The following MICU1 variants were observed in gnomAD, a reference collection of about 807,000 sequenced individuals.
MICU1 encodes the protein mitochondrial calcium uptake 1, also known as calcium uptake protein 1, mitochondrial.
Under a neutral mutation model 56.8 loss-of-function variants are expected in MICU1, and 45 were observed. The ratio of observed to expected loss-of-function variants is 0.79; its 90% CI spans 0.62 to 1.02. MICU1 has a LOEUF of 1.02. Ranked by LOEUF, MICU1 falls within the 50% of genes least tolerant of loss-of-function variation. The probability of loss-of-function intolerance (pLI) is 0.00; values close to 1 mark genes in which losing one functional copy is unlikely to be tolerated. For missense variants in MICU1, 504 were observed against 587.1 expected (o/e 0.86, Z 1.46); for synonymous variants, 186 against 195.1 (o/e 0.95, Z 0.39).
intron 8 of MICU1, among the ~76,000 whole-genome samples, chr10:72,452,419 T>C (rs1865327613): frequency 6.6e-6 from 1 of 152,206 alleles, no homozygotes; most frequent in African/African-American, 2.4e-5. Flanking sequence ...CTGAATACAC[T>C]AAAAATGATG....
intron 8 of MICU1, among the ~76,000 whole-genome samples, chr10:72,447,704 C>T (rs74148007): frequency 6.6e-6 from 1 of 152,056 alleles, no homozygotes; most frequent in African/African-American, 2.4e-5. Flanking sequence ...ATCAATTGTG[C>T]CTCAGTTAGG....
At chr10:72,473,765 A>C (rs1313344670) in intron 8 of MICU1, among the ~76,000 whole-genome samples, 1 of 152,208 alleles carries the variant, frequency 6.6e-6, no homozygotes, top group East Asian at 1.9e-4. Context: ...CATTGAACAA[A>C]ACAACACAAT....
At chr10:72,461,564 C>A (rs148617654) in intron 8 of MICU1, among the ~76,000 whole-genome samples, 112 of 152,316 alleles carry the variant, frequency 7.4e-4, no homozygotes, top group Middle Eastern at 3.4e-3. Flanking sequence ...CCTTTATAAG[C>A]TTCTTGAAAG....
intron 4 of MICU1, among the ~76,000 whole-genome samples, chr10:72,539,759 A>C (rs1442493161): frequency 6.6e-6 from 1 of 152,204 alleles, no homozygotes; most frequent in Non-Finnish European, 1.5e-5. Context: ...GAGTAGAAAA[A>C]GCACAAAGAG....
intron 11 of MICU1, among the ~76,000 whole-genome samples, chr10:72,371,840 G>A (rs1862354297): frequency 6.6e-6 from 1 of 152,032 alleles, no homozygotes; most frequent in African/African-American, 2.4e-5. Context: ...AGTATCATTT[G>A]AGCCCAGGAG....
intron 5 of MICU1, among the ~76,000 whole-genome samples, chr10:72,520,405 G>A (rs1449755874): frequency 6.6e-6 from 1 of 151,954 alleles, no homozygotes; most frequent in Non-Finnish European, 1.5e-5. Context: ...TAGAATTTGG[G>A]GATATATCAG....
intron 1 of MICU1, among the ~76,000 whole-genome samples, chr10:72,597,783 T>C (rs1841419563): frequency 6.6e-6 from 1 of 152,196 alleles, no homozygotes; most frequent in African/African-American, 2.4e-5. Flanking sequence ...AAAGATATAT[T>C]GCAGCTGAAG....
chr10:72,451,244 C>A (rs751916792), intron 8 of MICU1, among the ~76,000 whole-genome samples: 3 of 150,228 alleles, frequency 2.0e-5, no homozygotes, highest in Non-Finnish European at 3.0e-5. Context: ...AGGATGGTCT[C>A]GATCTCCTGA....
rs770774436 is a variant in MICU1, at chr10:72,508,142, C to A, written c.652+13G>T. Reference sequence around the variant, plus strand: ...CTGCTCTACAAATGGAAAAAGAAAACGTTTATACTTACTGGAAAGAACAGT... The same window carrying A: ...CTGCTCTACAAATGGAAAAAGAAAAAGTTTATACTTACTGGAAAGAACAGT... On this transcript the variant is annotated intron_variant, in intron 6 of 11. Coordinates refer to ENST00000361114, the MANE Select transcript of MICU1 (RefSeq NM_001195518.2). The A allele has an allele frequency of 7.1e-7, 1 of 1,400,242 alleles. No homozygotes were observed. The highest frequency in any genetic ancestry group is 9.7e-7 in the Non-Finnish European group (1 of 1,034,100). The allele number at this position is 1,400,242 out of a possible 1,614,324, so 86.7% of individuals were successfully genotyped here.
At chr10:72,414,399 A>C (rs1426731885) in intron 9 of MICU1, among the ~76,000 whole-genome samples, 2 of 152,224 alleles carry the variant, frequency 1.3e-5, no homozygotes, top group Non-Finnish European at 2.9e-5. Context: ...AAGCATCTAC[A>C]TAAAAATATT....
intron 1 of MICU1, among the ~76,000 whole-genome samples, chr10:72,579,296 C>G (rs1312500722): frequency 2.0e-5 from 3 of 152,154 alleles, no homozygotes; most frequent in Non-Finnish European, 4.4e-5. Context: ...CCAGCAGATT[C>G]TGTGTCTAGT....
intron 1 of MICU1, among the ~76,000 whole-genome samples, chr10:72,621,384 T>C (rs976653998): frequency 2.6e-5 from 4 of 151,656 alleles, no homozygotes; most frequent in African/African-American, 9.7e-5. Context: ...CCCAGCTACT[T>C]GGGAGGCTGA....
At chr10:72,494,131 C>T (rs1391522635) in intron 6 of MICU1, among the ~76,000 whole-genome samples, 1 of 152,108 alleles carries the variant, frequency 6.6e-6, no homozygotes, top group African/African-American at 2.4e-5. Context: ...TTACCTCATA[C>T]AGTTTTGGGG....
intron 9 of MICU1, among the ~76,000 whole-genome samples, chr10:72,421,228 T>C (rs1312385865): frequency 6.6e-6 from 1 of 151,518 alleles, no homozygotes; most frequent in African/African-American, 2.4e-5. Context: ...GCTGATTCAG[T>C]CCTATCATCT....
intron 1 of MICU1, 63 bp downstream of exon 1, chr10:72,625,947 C>G (rs1283194607): frequency 6.6e-6 from 1 of 151,252 alleles, no homozygotes; most frequent in African/African-American, 2.4e-5. Flanking sequence ...TCTCGCCAAC[C>G]CCCTTCCCCT....
chr10:72,596,427 C>G (rs1301951527), intron 1 of MICU1, among the ~76,000 whole-genome samples: 1 of 151,798 alleles, frequency 6.6e-6, no homozygotes, highest in South Asian at 2.1e-4. Flanking sequence ...GACAGAGAGA[C>G]CCTGTCTCAA....
intron 1 of MICU1, among the ~76,000 whole-genome samples, chr10:72,603,330 T>G (rs971825679): frequency 6.8e-6 from 1 of 147,786 alleles, no homozygotes; most frequent in African/African-American, 2.5e-5. Context: ...GAGGTTGCAG[T>G]GAGCTGAGAT....
chr10:72,581,354 G>A (rs1205503594), intron 1 of MICU1, among the ~76,000 whole-genome samples: 1 of 152,176 alleles, frequency 6.6e-6, no homozygotes, highest in Non-Finnish European at 1.5e-5. Flanking sequence ...ATGAGGCCAG[G>A]CACAATGGCT....
At chr10:72,368,424 T>C (rs1286364741) in intron 11 of MICU1, 69 bp from the exon 12 acceptor site, 29 of 1,532,354 alleles carry the variant, frequency 1.9e-5, no homozygotes, top group South Asian at 2.3e-5. Flanking sequence ...TATAATTCCA[T>C]TGTCCACACA....
Sources: gnomAD v4.1 joint callset for allele counts (sites outside exome capture counted in the v4.1 genomes callset) on GRCh38, gnomAD v4.1.1 for gene constraint, MANE v1.5 for transcripts, NCBI Gene and HGNC (gene_info 2026-07-23, HGNC 2026-07-21) for gene names.